DYSF: variants seen among roughly 807,000 people sequenced by gnomAD.
DYSF encodes dystrophy-associated fer-1-like 1.
Under a neutral mutation model 274.9 loss-of-function variants are expected in DYSF, and 212 were observed. The ratio of observed to expected loss-of-function variants is 0.77; its 90% confidence interval spans 0.69 to 0.86. The LOEUF (loss-of-function observed/expected upper bound fraction) is 0.86, where lower values mean the gene tolerates loss of function less well. DYSF is among the 40% of genes least tolerant of loss of function. The probability of loss-of-function intolerance (pLI) is 0.00; values close to 1 mark genes in which losing one functional copy is unlikely to be tolerated. For missense variants in DYSF, 2,666 were observed against 2,783.2 expected (o/e 0.96, Z 0.95); for synonymous variants, 1,091 against 1,078.7 (o/e 1.01, Z -0.22).
At chr2:71,512,381 C>A (rs943283987) in intron 5 of DYSF, among the ~76,000 whole-genome samples, 5 of 152,210 alleles carry the variant, frequency 3.3e-5, no homozygotes, top group East Asian at 1.9e-4. Flanking sequence ...CTTGAAAGAG[C>A]CCTGAACTGA....
intron 1 of DYSF, among the ~76,000 whole-genome samples, chr2:71,458,635 C>T (rs986965334): frequency 3.3e-5 from 5 of 152,224 alleles, no homozygotes; most frequent in African/African-American, 1.2e-4. Flanking sequence ...TTCAGTCCCT[C>T]TCCCCAGGCC....
intron 41 of DYSF, among the ~76,000 whole-genome samples, chr2:71,635,920 G>A (rs1432992627): frequency 6.6e-6 from 1 of 152,154 alleles, no homozygotes; most frequent in Non-Finnish European, 1.5e-5. Flanking sequence ...AGGAATTCTT[G>A]AGACGGGATT....
chr2:71,518,832 C>A (rs1206006312), intron 10 of DYSF, among the ~76,000 whole-genome samples: 1 of 151,882 alleles, frequency 6.6e-6, no homozygotes, highest in Middle Eastern at 3.2e-3. Context: ...GTGGCTCATG[C>A]CTGTGATCCC....
At chr2:71,665,883 G>A (rs2094993869) in intron 47 of DYSF, among the ~76,000 whole-genome samples, 2 of 152,046 alleles carry the variant, frequency 1.3e-5, no homozygotes, top group Non-Finnish European at 2.9e-5. Flanking sequence ...TGAGATGCCC[G>A]CAGGCCTGCA....
At chr2:71,511,678 C>T (rs1264827032) in intron 4 of DYSF, 129 bp from the exon 5 acceptor site, 2 of 730,312 alleles carry the variant, frequency 2.7e-6, no homozygotes, top group East Asian at 2.7e-5. Flanking sequence ...TTGCCACAGC[C>T]TCCTGCAAAC....
chr2:71,472,864 C>T (rs2082134903), intron 1 of DYSF, among the ~76,000 whole-genome samples: 3 of 152,102 alleles, frequency 2.0e-5, no homozygotes, highest in African/African-American at 4.8e-5. Flanking sequence ...AGAATGTTAC[C>T]GTTTTTGTCA....
chr2:71,672,976 C>T (rs909842257), intron 51 of DYSF, among the ~76,000 whole-genome samples: 5 of 152,178 alleles, frequency 3.3e-5, no homozygotes, highest in Admixed American at 2.0e-4. Flanking sequence ...GTCTTCGGTT[C>T]GGGAGCTCAC....
chr2:71,656,937 C>A (rs1326796096), intron 43 of DYSF, among the ~76,000 whole-genome samples: 3 of 152,176 alleles, frequency 2.0e-5, no homozygotes, highest in Non-Finnish European at 4.4e-5. Flanking sequence ...CCCTCCAAAT[C>A]TCATGTTCTC....
At chr2:71,527,217 G>A (rs892842431) in intron 13 of DYSF, among the ~76,000 whole-genome samples, 8 of 152,222 alleles carry the variant, frequency 5.3e-5, no homozygotes, top group East Asian at 1.9e-4. Context: ...GTGAGGCCCC[G>A]CTGTGAGCCA....
At chr2:71,667,160 C>G (rs1327456384) in intron 47 of DYSF, among the ~76,000 whole-genome samples, 1 of 152,176 alleles carries the variant, frequency 6.6e-6, no homozygotes, top group Non-Finnish European at 1.5e-5. Context: ...AATGGGGAAT[C>G]TGGATTTTAA....
intron 24 of DYSF, among the ~76,000 whole-genome samples, chr2:71,566,148 G>A (rs932141796): frequency 4.0e-5 from 6 of 151,458 alleles, no homozygotes; most frequent in African/African-American, 1.5e-4. Flanking sequence ...GCCTGGTAGG[G>A]CAGAAAGGAA....
intron 41 of DYSF, among the ~76,000 whole-genome samples, chr2:71,623,024 T>C (rs1256332346): frequency 6.6e-6 from 1 of 152,264 alleles, no homozygotes. Context: ...TCTGTTAATA[T>C]AGTGTATAAT....
rs144423419 is a variant in DYSF at position 71,485,270 on chromosome 2, C to T, written c.239+3300C>T. 2.3e-3 allele frequency among the ~76,000 whole-genome samples: 347 copies of T among 152,256 alleles called. 2 individuals are homozygous for T. Among genetic ancestry groups the T allele is most frequent in the African/African-American group, 7.7e-3 (320 of 41,548 alleles). On this transcript the variant is annotated intron_variant, in intron 3 of 55. Coordinates refer to ENST00000410020, the MANE Select transcript of DYSF (RefSeq NM_001130987.2). ...GAGAAGAAATGATAGAATTTTGGCT[C>T]CATGGCTGGGCATTGTGGCTCATAC...
At chr2:71,517,109 T>C in intron 10 of DYSF, 70 bp downstream of exon 10, 2 of 1,418,964 alleles carry the variant, frequency 1.4e-6, no homozygotes, top group South Asian at 2.3e-5. Context: ...CTGTGGACCA[T>C]GGGCAGGGGC....
chr2:71,682,773 A>T, intron 55 of DYSF, 96 bp downstream of exon 55: 1 of 1,506,872 alleles, frequency 6.6e-7, no homozygotes. Flanking sequence ...TAATGGAGAG[A>T]AGTAACCTCT....
intron 1 of DYSF, among the ~76,000 whole-genome samples, chr2:71,474,875 G>A (rs1293535858): frequency 3.9e-5 from 6 of 152,342 alleles, no homozygotes; most frequent in African/African-American, 1.2e-4. Flanking sequence ...TGCAACTCAT[G>A]AGAGGCTGCA....
intron 1 of DYSF, among the ~76,000 whole-genome samples, chr2:71,480,271 C>T (rs1363401623): frequency 6.6e-6 from 1 of 152,156 alleles, no homozygotes; most frequent in Admixed American, 6.5e-5. Context: ...TGGTGGCTCA[C>T]ATTTGTAATC....
intron 4 of DYSF, among the ~76,000 whole-genome samples, chr2:71,506,137 G>A: frequency 6.6e-6 from 1 of 152,204 alleles, no homozygotes; most frequent in East Asian, 1.9e-4. Context: ...GAGTGGGCTG[G>A]TCTGGGTTTT....
At chr2:71,501,084 G>T (rs757308401) in intron 3 of DYSF, among the ~76,000 whole-genome samples, 1 of 152,120 alleles carries the variant, frequency 6.6e-6, no homozygotes, top group Non-Finnish European at 1.5e-5. Context: ...CACTCCAGGA[G>T]CCCCAGCTTA....
Sources: allele counts gnomAD v4.1 joint callset (sites outside exome capture counted in the v4.1 genomes callset), GRCh38; gene constraint gnomAD v4.1.1; transcripts MANE v1.5; gene names NCBI Gene and HGNC (gene_info 2026-07-23, HGNC 2026-07-21).